Variants in MLIP observed in about 807,000 individuals in gnomAD.
MLIP encodes the protein muscular LMNA-interacting protein.
Under a neutral mutation model 84.8 loss-of-function variants are expected in MLIP, and 79 were observed. The observed-to-expected ratio is 0.93, with a 90% confidence interval of 0.78 to 1.12. MLIP has a LOEUF of 1.12. Among genes scored for constraint, MLIP ranks in the 50% most tolerant of loss-of-function variants. The pLI is 0.00. For synonymous variants in MLIP, 504 were observed against 463.0 expected (o/e 1.09, Z -1.14); for missense variants, 1,257 against 1,160.6 (o/e 1.08, Z -1.21).
intron 11 of MLIP, among the ~76,000 whole-genome samples, chr6:54,223,318 A>AC (rs1780346173): frequency 2.5e-4 from 2 of 8,080 alleles, no homozygotes; most frequent in Admixed American, 3.1e-3. Context: ...AAACAAACAA[A>AC]ATACCCACAA....
intron 1 of MLIP, among the ~76,000 whole-genome samples, chr6:54,062,637 A>G (rs899583966): frequency 6.6e-6 from 1 of 152,196 alleles, no homozygotes; most frequent in African/African-American, 2.4e-5. Flanking sequence ...AGGAACAGGG[A>G]ATACTGAGGT....
At chr6:54,111,341 T>G (rs1376122063), upstream of MLIP, 1 of 1,379,786 alleles carries the variant, frequency 7.2e-7, no homozygotes, top group East Asian at 2.7e-5. Context: ...GCTGACACAA[T>G]TCCTCAATTT....
chr6:54,208,110 A>G (rs1779166936), intron 11 of MLIP, among the ~76,000 whole-genome samples: 1 of 152,182 alleles, frequency 6.6e-6, no homozygotes, highest in Non-Finnish European at 1.5e-5. Context: ...GCTGGGCAAC[A>G]GAGCGAGACT....
chr6:54,044,568 G>A (rs2150307245), intron 1 of MLIP, among the ~76,000 whole-genome samples: 1 of 151,880 alleles, frequency 6.6e-6, no homozygotes, highest in South Asian at 2.1e-4. Flanking sequence ...ACATAGGTAG[G>A]TCAAACACAT....
chr6:54,262,121 G>A (rs1783428610), intron 13 of MLIP, among the ~76,000 whole-genome samples: 1 of 151,978 alleles, frequency 6.6e-6, no homozygotes, highest in African/African-American at 2.4e-5. Context: ...TGATAGCAAT[G>A]GACCCATCAA....
chr6:54,157,768 G>T (rs996556595), intron 5 of MLIP, among the ~76,000 whole-genome samples: 1 of 151,960 alleles, frequency 6.6e-6, no homozygotes, highest in Non-Finnish European at 1.5e-5. Context: ...CCAGTGAAGA[G>T]TTATTTTTAT....
At chr6:54,033,219 A>T (rs765023896) in intron 1 of MLIP, among the ~76,000 whole-genome samples, 1 of 152,018 alleles carries the variant, frequency 6.6e-6, no homozygotes, top group Non-Finnish European at 1.5e-5. Flanking sequence ...CATCACCACG[A>T]ATCTTGGAGG....
At chr6:54,149,584 T>C (rs1331886607) in intron 5 of MLIP, among the ~76,000 whole-genome samples, 2 of 152,148 alleles carry the variant, frequency 1.3e-5, no homozygotes, top group Non-Finnish European at 2.9e-5. Context: ...TGTACTATAC[T>C]GATACTCAGA....
intron 11 of MLIP, among the ~76,000 whole-genome samples, chr6:54,227,486 T>C (rs546215816): frequency 6.6e-6 from 1 of 152,152 alleles, no homozygotes; most frequent in South Asian, 2.1e-4. Context: ...TAAAAGAGCA[T>C]CAAATTCCTA....
chr6:54,105,167 T>G (rs1195460847), intron 1 of MLIP, among the ~76,000 whole-genome samples: 2 of 152,188 alleles, frequency 1.3e-5, no homozygotes, highest in Non-Finnish European at 2.9e-5. Context: ...CCTAAGCAAC[T>G]GGACATTTCA....
chr6:54,028,191 C>T (rs1021878180), intron 1 of MLIP, among the ~76,000 whole-genome samples: 3 of 152,034 alleles, frequency 2.0e-5, no homozygotes, highest in African/African-American at 7.2e-5. Flanking sequence ...TATTTATAAC[C>T]TAAAAATTTC....
At chr6:54,107,401 T>C (rs754721446), upstream of MLIP, among the ~76,000 whole-genome samples, 1 of 152,186 alleles carries the variant, frequency 6.6e-6, no homozygotes, top group Non-Finnish European at 1.5e-5. Context: ...GTTGATGAGA[T>C]GTCAGGATTC....
At chr6:54,212,609 G>A (rs1163029098) in intron 11 of MLIP, among the ~76,000 whole-genome samples, 1 of 152,124 alleles carries the variant, frequency 6.6e-6, no homozygotes, top group Non-Finnish European at 1.5e-5. Context: ...TTTGGATAGA[G>A]CAATTTTGGG....
At chr6:54,049,585 G>T (rs1582031746) in intron 1 of MLIP, among the ~76,000 whole-genome samples, 1 of 152,102 alleles carries the variant, frequency 6.6e-6, no homozygotes, top group Non-Finnish European at 1.5e-5. Context: ...TAGTGAGAGG[G>T]TCAGGCATAA....
chr6:54,102,022 T>C (rs1316705333), intron 1 of MLIP, among the ~76,000 whole-genome samples: 3 of 152,214 alleles, frequency 2.0e-5, no homozygotes, highest in Non-Finnish European at 4.4e-5. Flanking sequence ...ACTGCGTTGT[T>C]ATATACTCTG....
chr6:54,231,661 A>T (rs1444294895), intron 12 of MLIP, among the ~76,000 whole-genome samples: 1 of 152,170 alleles, frequency 6.6e-6, no homozygotes, highest in African/African-American at 2.4e-5. Flanking sequence ...CAGACCCTGA[A>T]AATTTCCTAA....
chr6:54,224,529 C>T (rs1023307072), intron 11 of MLIP, among the ~76,000 whole-genome samples: 5 of 152,000 alleles, frequency 3.3e-5, no homozygotes, highest in East Asian at 1.9e-4. Flanking sequence ...TGTTGCTTAA[C>T]GATGGAAATA....
At chr6:54,230,620 G>A in intron 11 of MLIP, 94 bp from the exon 12 acceptor site, 1 of 1,101,038 alleles carries the variant, frequency 9.1e-7, no homozygotes, top group Non-Finnish European at 1.4e-6. Flanking sequence ...TTACTGGTAA[G>A]AGATTCTGAC....
rs201710075 is a variant in MLIP, at chr6:54,230,745, T to C, written c.2750T>C (p.Leu917Pro). The change falls in exon 12 of 14, where the codon CTC becomes CCC. Residue 917 changes from leucine (L) to proline (P), a missense_variant. Leu to Pro is a moderately conservative substitution (Grantham distance 98). Coordinates refer to ENST00000502396, the MANE Select transcript of MLIP (RefSeq NM_001281747.2). ...DVTVPPKPVSLHPLYQTKLYP... is the reference protein window; with the variant it reads ...DVTVPPKPVSPHPLYQTKLYP... Reference sequence around the variant, plus strand: ...ACAGTCCCTCCCAAGCCTGTCTCGCTCCATCCTTTATATCAGACTAAACTC... The same window carrying C: ...ACAGTCCCTCCCAAGCCTGTCTCGCCCCATCCTTTATATCAGACTAAACTC... The C allele has an allele frequency of 1.2e-4, 190 of 1,614,018 alleles. No homozygotes were observed. The highest frequency in any genetic ancestry group is 1.5e-4 in the Non-Finnish European group (182 of 1,179,998).
Sources: allele counts gnomAD v4.1 joint callset (sites outside exome capture counted in the v4.1 genomes callset), GRCh38; gene constraint gnomAD v4.1.1; transcripts MANE v1.5; gene names NCBI Gene and HGNC (gene_info 2026-07-23, HGNC 2026-07-21).